The following ZMYND11 variants were observed in gnomAD, a reference collection of about 807,000 sequenced individuals.
ZMYND11 encodes the protein zinc finger MYND-type containing 11.
In ZMYND11, 9 loss-of-function variants were observed where a neutral mutation model predicts 84.9. That is an observed-to-expected ratio of 0.11 (90% CI 0.06 to 0.18). ZMYND11 has a LOEUF of 0.18. Ranked by LOEUF, ZMYND11 falls within the 10% of genes least tolerant of loss-of-function variation. ZMYND11 has a pLI of 1.00. For missense variants in ZMYND11, 409 were observed against 761.0 expected, an observed-to-expected ratio of 0.54 and a Z score of 5.44; for synonymous variants, 250 against 244.1, an observed-to-expected ratio of 1.02 and a Z score of -0.23.
intron 4 of ZMYND11, 23 bp downstream of exon 4, chr10:221,379 G>A: frequency 6.2e-7 from 1 of 1,609,190 alleles, no homozygotes; most frequent in Non-Finnish European, 8.5e-7. Context: ...GAGCTTTCCT[G>A]TGCTGGTTAG....
intron 4 of ZMYND11, 43 bp from the exon 5 acceptor site, chr10:236,795 T>TAAAAAAA: frequency 6.6e-7 from 1 of 1,515,634 alleles, no homozygotes; most frequent in Non-Finnish European, 9.1e-7. Flanking sequence ...GACATAAGAA[T>TAAAAAAA]GATCAGATTT....
chr10:242,535 G>A (rs1294630051), intron 10 of ZMYND11, among the ~76,000 whole-genome samples: 1 of 152,154 alleles, frequency 6.6e-6, no homozygotes, highest in East Asian at 1.9e-4. Context: ...CGTCAATCTT[G>A]TGATCTTACA....
At chr10:137,169 C>T (rs1554752493) in intron 1 of ZMYND11, among the ~76,000 whole-genome samples, 1 of 151,964 alleles carries the variant, frequency 6.6e-6, no homozygotes, top group East Asian at 1.9e-4. Context: ...TACCTAGTAC[C>T]GAGTGTCATA....
At chr10:204,154 A>G (rs965665943) in intron 2 of ZMYND11, among the ~76,000 whole-genome samples, 2 of 152,172 alleles carry the variant, frequency 1.3e-5, no homozygotes, top group African/African-American at 4.8e-5. Flanking sequence ...TATAATTTAT[A>G]GATACAATCT....
At chr10:143,454 T>C (rs1432418760) in intron 1 of ZMYND11, among the ~76,000 whole-genome samples, 2 of 152,190 alleles carry the variant, frequency 1.3e-5, no homozygotes, top group African/African-American at 4.8e-5. Flanking sequence ...TAATTTTCTA[T>C]TGAATTTTGA....
At chr10:227,151 G>A in intron 4 of ZMYND11, among the ~76,000 whole-genome samples, 1 of 152,120 alleles carries the variant, frequency 6.6e-6, no homozygotes, top group Non-Finnish European at 1.5e-5. Flanking sequence ...AAAATACTTT[G>A]GTTCTACATC....
At chr10:218,539 G>C (rs1257178676) in intron 3 of ZMYND11, 1 of 310,428 alleles carries the variant, frequency 3.2e-6, no homozygotes, top group Non-Finnish European at 6.6e-6. Context: ...CTATAATTCT[G>C]CTTTATTTTT....
chr10:145,363 C>T (rs184773474), intron 1 of ZMYND11, among the ~76,000 whole-genome samples: 8 of 152,070 alleles, frequency 5.3e-5, no homozygotes, highest in Admixed American at 3.3e-4. Flanking sequence ...AACATATGCA[C>T]GCAGGTGTCT....
chr10:202,985 T>G (rs1294177563), intron 2 of ZMYND11, among the ~76,000 whole-genome samples: 1 of 152,066 alleles, frequency 6.6e-6, no homozygotes, highest in African/African-American at 2.4e-5. Flanking sequence ...AAAAAACACT[T>G]AGCAAACTGG....
intron 1 of ZMYND11, chr10:148,271 C>G (rs9419488): frequency 5.0e-5 from 6 of 120,046 alleles, no homozygotes; most frequent in Non-Finnish European, 8.8e-5. Context: ...GGAAGAAGTC[C>G]TAACTTCCTT....
At chr10:150,407 T>C (rs1326011576) in intron 1 of ZMYND11, among the ~76,000 whole-genome samples, 2 of 152,190 alleles carry the variant, frequency 1.3e-5, no homozygotes, top group African/African-American at 4.8e-5. Context: ...CGTAGAAGTG[T>C]TTATAGTATT....
intron 2 of ZMYND11, among the ~76,000 whole-genome samples, chr10:189,481 A>G (rs1443007874): frequency 6.6e-6 from 1 of 152,206 alleles, no homozygotes; most frequent in African/African-American, 2.4e-5. Flanking sequence ...AGGATTCTCC[A>G]CAGAATTGCC....
intron 3 of ZMYND11, among the ~76,000 whole-genome samples, chr10:214,927 C>T (rs1945895090): frequency 6.6e-6 from 1 of 152,176 alleles, no homozygotes. Flanking sequence ...GAGTTATACT[C>T]TTAAGCAATA....
chr10:190,156 C>T (rs749083998), intron 2 of ZMYND11, among the ~76,000 whole-genome samples: 2 of 152,120 alleles, frequency 1.3e-5, no homozygotes, highest in African/African-American at 2.4e-5. Context: ...TGGATTGACT[C>T]GAGTCTGTCT....
chr10:130,490 A>G (rs1454898251), upstream of ZMYND11, among the ~76,000 whole-genome samples: 1 of 152,258 alleles, frequency 6.6e-6, no homozygotes, highest in Admixed American at 6.5e-5. Context: ...TAATAATTGT[A>G]GCCACTAATA....
rs896899630 is a variant in ZMYND11, at chr10:136,282, C to T, written c.-20+723C>T. Among the ~76,000 whole-genome samples the T allele has an allele frequency of 4.6e-5, 7 of 152,276 alleles. No individual in the cohort carries two copies. The South Asian group carries it at 8.3e-4, about 18-fold the overall frequency. ...CGGACTTTCACTTGCAGTCTCTCCT[C>T]GCGCTTTTCTCCCGAGCCGGGAGGA... On this transcript the variant is annotated intron_variant, in intron 1 of 14. Transcript: ENST00000381604.
chr10:139,140 C>T (rs2131096041), intron 1 of ZMYND11, among the ~76,000 whole-genome samples: 1 of 152,290 alleles, frequency 6.6e-6, no homozygotes, highest in African/African-American at 2.4e-5. Flanking sequence ...TATTATTCAT[C>T]TATTTTAATT....
chr10:154,399 C>T (rs1169349048), intron 1 of ZMYND11, among the ~76,000 whole-genome samples: 4 of 152,090 alleles, frequency 2.6e-5, no homozygotes, highest in African/African-American at 9.7e-5. Context: ...GGCAAAATCA[C>T]AACAAAAAGC....
chr10:213,167 C>A (rs1192344442), intron 3 of ZMYND11, among the ~76,000 whole-genome samples: 2 of 152,052 alleles, frequency 1.3e-5, no homozygotes, highest in Non-Finnish European at 2.9e-5. Flanking sequence ...ATTTAGGAAG[C>A]CCCATCCACA....
Sources: gnomAD v4.1 joint callset for allele counts (sites outside exome capture counted in the v4.1 genomes callset) on GRCh38, gnomAD v4.1.1 for gene constraint, MANE v1.5 for transcripts, NCBI Gene and HGNC (gene_info 2026-07-23, HGNC 2026-07-21) for gene names.